HDAC8: variants seen among roughly 807,000 people sequenced by gnomAD.
HDAC8 encodes histone deacetylase 8.
HDAC8 carries 1 observed loss-of-function variant against 32.2 expected under a neutral mutation model. That is an observed-to-expected ratio of 0.03 (90% CI 0.01 to 0.15). The LOEUF is 0.15. Ranked by LOEUF, HDAC8 falls within the 10% of genes least tolerant of loss-of-function variation. The probability of loss-of-function intolerance (pLI) is 1.00; values close to 1 mark genes in which losing one functional copy is unlikely to be tolerated. For missense variants in HDAC8, 117 were observed against 300.0 expected (o/e 0.39, Z 4.51); for synonymous variants, 108 against 113.9 (o/e 0.95, Z 0.33).
At chrX:72,559,154 C>T (rs2051405400) in intron 4 of HDAC8, among the ~76,000 whole-genome samples, 2 of 99,815 alleles carry the variant, frequency 2.0e-5, no homozygotes, top group African/African-American at 7.3e-5. Context: ...ACCATCTCGG[C>T]TCACTGCAAC....
At chrX:72,462,239 G>A in intron 8 of HDAC8, 141 bp from the exon 9 acceptor site, 1 of 484,084 alleles carries the variant, frequency 2.1e-6, no homozygotes, top group Non-Finnish European at 3.5e-6. Context: ...CCCCCTTTGT[G>A]ATATTTTTAA....
chrX:72,483,891 A>T (rs1025331714), intron 7 of HDAC8, among the ~76,000 whole-genome samples: 2 of 112,244 alleles, frequency 1.8e-5, no homozygotes, highest in African/African-American at 3.2e-5. Context: ...CCAGGAATAA[A>T]AACTTAGGCT....
intron 9 of HDAC8, among the ~76,000 whole-genome samples, chrX:72,381,395 T>C (rs1198911843): frequency 1.8e-5 from 2 of 111,510 alleles, no homozygotes; most frequent in Non-Finnish European, 3.8e-5. Context: ...GAAGAGGACA[T>C]GGTCTCTTCT....
intron 9 of HDAC8, among the ~76,000 whole-genome samples, chrX:72,445,564 T>G (rs1555984350): frequency 8.9e-6 from 1 of 112,112 alleles, no homozygotes; most frequent in Non-Finnish European, 1.9e-5. Flanking sequence ...ATGTTAGAGC[T>G]AAAACCATAA....
At chrX:72,391,800 T>C (rs2045618823) in intron 9 of HDAC8, among the ~76,000 whole-genome samples, 1 of 111,411 alleles carries the variant, frequency 9.0e-6, no homozygotes, top group African/African-American at 3.3e-5. Context: ...TGAACCCTTC[T>C]GACACCTCCT....
rs1414850900 is a variant in HDAC8, at chrX:72,558,414, T to C, written c.437+9475A>G. ...GATCAACTGGGTTCGATATTAGAGA[T>C]GCAGGGATAGTTTAACATACACAAG... On this transcript the variant is annotated intron_variant, in intron 4 of 10. Coordinates refer to ENST00000373573, the MANE Select transcript of HDAC8 (RefSeq NM_018486.3). 6.2e-5 allele frequency among the ~76,000 whole-genome samples: 7 copies of C among 112,028 alleles called. No individual in the cohort carries two copies. The East Asian group carries it at 1.4e-3, about 22-fold the overall frequency.
At chrX:72,561,096 A>G (rs1004730242) in intron 4 of HDAC8, among the ~76,000 whole-genome samples, 1 of 112,199 alleles carries the variant, frequency 8.9e-6, no homozygotes, top group African/African-American at 3.2e-5. Context: ...GGGTAGAATC[A>G]ATATTGTGAA....
chrX:72,392,119 A>T, intron 9 of HDAC8, among the ~76,000 whole-genome samples: 2 of 112,469 alleles, frequency 1.8e-5, no homozygotes, highest in Middle Eastern at 9.2e-3. Flanking sequence ...CTCTGAATGT[A>T]GTAAAAATGG....
chrX:72,444,730 A>C (rs1555983823), intron 9 of HDAC8, among the ~76,000 whole-genome samples: 1 of 98,507 alleles, frequency 1.0e-5, no homozygotes, highest in Non-Finnish European at 2.0e-5. Context: ...CAATTAGGAA[A>C]AGAGGAAGTC....
chrX:72,533,666 A>G (rs957263012), intron 4 of HDAC8, among the ~76,000 whole-genome samples: 4 of 112,006 alleles, frequency 3.6e-5, no homozygotes, highest in Non-Finnish European at 5.6e-5. Context: ...ATAATTATAT[A>G]CCATGACCAA....
chrX:72,332,451 T>G (rs1430612659), intron 10 of HDAC8, among the ~76,000 whole-genome samples: 1 of 111,652 alleles, frequency 9.0e-6, no homozygotes, highest in Non-Finnish European at 1.9e-5. Context: ...CTGGTGTTGG[T>G]TTTTATTTTG....
At chrX:72,526,906 C>T (rs963350077) in intron 4 of HDAC8, among the ~76,000 whole-genome samples, 33 of 111,207 alleles carry the variant, frequency 3.0e-4, no homozygotes, top group African/African-American at 8.2e-4. Flanking sequence ...TTCATTATCG[C>T]GCCCCTGGCT....
Position 72,488,894 on chromosome X carries a change from C to A in HDAC8, c.737+39G>T, listed in dbSNP as rs782795744. ...ATGGGGGCCATTTCATCCTACAGAA[C>A]TGCAATCCACTTATTACTGGCTAGT... is the stretch of plus-strand genomic sequence containing the variant. On this transcript the variant is annotated intron_variant, in intron 7 of 10. Transcript: ENST00000373573. 7 of 856,845 alleles carry A rather than the reference C, an allele frequency of 8.2e-6. No individual in the cohort carries two copies. The South Asian group carries it at 1.6e-4, about 19-fold the overall frequency. The allele number at this position is 856,845 out of a possible 1,213,427, so 70.6% of individuals were successfully genotyped here.
intron 9 of HDAC8, among the ~76,000 whole-genome samples, chrX:72,404,608 T>A (rs1453556731): frequency 1.8e-5 from 2 of 111,266 alleles, no homozygotes; most frequent in African/African-American, 6.5e-5. Context: ...ATATTTTTTA[T>A]ATTAAAATGT....
chrX:72,440,487 A>C (rs1182670625), intron 9 of HDAC8, among the ~76,000 whole-genome samples: 1 of 111,891 alleles, frequency 8.9e-6, no homozygotes, highest in Non-Finnish European at 1.9e-5. Flanking sequence ...AGCAGAACTG[A>C]AGGAGATAGA....
intron 10 of HDAC8, among the ~76,000 whole-genome samples, chrX:72,349,856 C>T (rs1383820760): frequency 2.7e-5 from 3 of 111,434 alleles, no homozygotes; most frequent in Non-Finnish European, 3.8e-5. Flanking sequence ...GAGGTGTGAG[C>T]GAGTAGCTGC....
intron 4 of HDAC8, among the ~76,000 whole-genome samples, chrX:72,558,132 C>T (rs1306287544): frequency 3.6e-5 from 4 of 111,785 alleles, no homozygotes; most frequent in Admixed American, 9.4e-5. Flanking sequence ...CAGGACCAGA[C>T]GAATTCACAG....
intron 4 of HDAC8, among the ~76,000 whole-genome samples, chrX:72,513,221 T>G (rs1262745174): frequency 8.9e-6 from 1 of 112,511 alleles, no homozygotes; most frequent in African/African-American, 3.2e-5. Context: ...TGTACTTGTC[T>G]TCTCCACTAG....
chrX:72,351,289 G>T (rs1358409195), intron 10 of HDAC8: 10 of 187,459 alleles, frequency 5.3e-5, no homozygotes, highest in African/African-American at 3.2e-4. Context: ...CTGTAGAGAT[G>T]GAATCTCGCT....
Sources: allele counts gnomAD v4.1 joint callset (sites outside exome capture counted in the v4.1 genomes callset), GRCh38; gene constraint gnomAD v4.1.1; transcripts MANE v1.5; gene names NCBI Gene and HGNC (gene_info 2026-07-23, HGNC 2026-07-21).